GSK3B: variants seen among roughly 807,000 people sequenced by gnomAD.
GSK3B encodes glycogen synthase kinase-3 beta.
In GSK3B, 15 loss-of-function variants were observed where a neutral mutation model predicts 56.4. The observed-to-expected ratio is 0.27, with a 90% CI of 0.18 to 0.41. The LOEUF is 0.41. Among genes scored for constraint, GSK3B ranks in the 10% least tolerant of loss-of-function variants. The pLI, the probability that GSK3B is intolerant of heterozygous loss-of-function variation, is 1.00. For synonymous variants in GSK3B, 181 were observed against 188.9 expected, an observed-to-expected ratio of 0.96 and a Z score of 0.34; for missense variants, 300 against 513.4, an observed-to-expected ratio of 0.58 and a Z score of 4.02.
At chr3:120,026,548 C>A (rs1244685719) in intron 1 of GSK3B, among the ~76,000 whole-genome samples, 2 of 137,464 alleles carry the variant, frequency 1.5e-5, no homozygotes, top group South Asian at 4.5e-4. Context: ...CACACACACA[C>A]ACACAAACAC....
chr3:119,898,058 A>G (rs2056587453), intron 7 of GSK3B, among the ~76,000 whole-genome samples: 1 of 152,158 alleles, frequency 6.6e-6, no homozygotes, highest in Non-Finnish European at 1.5e-5. Flanking sequence ...AATGCAAACA[A>G]TATGTCCAAT....
intron 10 of GSK3B, among the ~76,000 whole-genome samples, chr3:119,829,573 G>A (rs1288258622): frequency 6.6e-6 from 1 of 152,202 alleles, no homozygotes; most frequent in Admixed American, 6.5e-5. Context: ...CATCTACATG[G>A]CCACCAGCCC....
intron 1 of GSK3B, among the ~76,000 whole-genome samples, chr3:120,011,866 ATTAAT>A (rs1476953086): frequency 6.6e-6 from 1 of 152,238 alleles, no homozygotes; most frequent in Admixed American, 6.5e-5. Flanking sequence ...CCTATAATAG[ATTAAT>A]TTATCATAAA....
At chr3:119,974,653 G>C (rs2057395232) in intron 2 of GSK3B, among the ~76,000 whole-genome samples, 1 of 152,030 alleles carries the variant, frequency 6.6e-6, no homozygotes, top group African/African-American at 2.4e-5. Context: ...TACTTCAATG[G>C]ACTAAGACAA....
At chr3:119,951,489 T>G (rs1361808482) in intron 2 of GSK3B, among the ~76,000 whole-genome samples, 1 of 152,166 alleles carries the variant, frequency 6.6e-6, no homozygotes, top group East Asian at 1.9e-4. Flanking sequence ...GAGAACTGCT[T>G]GAACCCAGGA....
chr3:120,056,864 TG>T (rs2058195569), intron 1 of GSK3B, among the ~76,000 whole-genome samples: 2 of 151,956 alleles, frequency 1.3e-5, no homozygotes, highest in African/African-American at 4.8e-5. Flanking sequence ...CTTCAGAAGC[TG>T]GGCACAGTGG....
At chr3:119,949,556 A>G (rs567358093) in intron 2 of GSK3B, among the ~76,000 whole-genome samples, 4 of 152,274 alleles carry the variant, frequency 2.6e-5, no homozygotes, top group South Asian at 2.1e-4. Context: ...TCAGAGAGGT[A>G]GGAGTTATGT....
chr3:119,910,052 T>C (rs1322005261), intron 6 of GSK3B, among the ~76,000 whole-genome samples: 1 of 152,202 alleles, frequency 6.6e-6, no homozygotes, highest in African/African-American at 2.4e-5. Context: ...ATCACTTTCA[T>C]TATTAACTTA....
intron 1 of GSK3B, among the ~76,000 whole-genome samples, chr3:120,025,842 G>A (rs918155487): frequency 2.0e-5 from 3 of 152,150 alleles, no homozygotes; most frequent in African/African-American, 4.8e-5. Context: ...GAAAAAACAG[G>A]CCAAACTTCT....
At chr3:119,965,790 G>C (rs1334328221) in intron 2 of GSK3B, among the ~76,000 whole-genome samples, 1 of 152,106 alleles carries the variant, frequency 6.6e-6, no homozygotes, top group Non-Finnish European at 1.5e-5. Context: ...CACACAGAGT[G>C]TCTGCCAAAA....
At chr3:120,015,194 CA>C (rs2057813208) in intron 1 of GSK3B, among the ~76,000 whole-genome samples, 1 of 152,174 alleles carries the variant, frequency 6.6e-6, no homozygotes, top group South Asian at 2.1e-4. Flanking sequence ...CAATAAATTA[CA>C]GTTTCTTTGA....
intron 1 of GSK3B, among the ~76,000 whole-genome samples, chr3:120,089,785 T>C (rs2058495846): frequency 6.6e-6 from 1 of 152,178 alleles, no homozygotes; most frequent in Admixed American, 6.5e-5. Context: ...TGGAGTAAAA[T>C]ATCATGTGAT....
intron 1 of GSK3B, among the ~76,000 whole-genome samples, chr3:120,086,801 C>CA (rs756764948): frequency 0.016 from 2,034 of 123,280 alleles, 36 homozygotes; most frequent in African/African-American, 0.052. Flanking sequence ...ACCCTGTCTC[C>CA]AAAAAAAAAA....
At chr3:119,937,037 T>A (rs1484014019) in intron 3 of GSK3B, among the ~76,000 whole-genome samples, 1 of 152,080 alleles carries the variant, frequency 6.6e-6, no homozygotes, top group Non-Finnish European at 1.5e-5. Context: ...ATATGAAATA[T>A]CTTTTCTGAC....
intron 2 of GSK3B, among the ~76,000 whole-genome samples, chr3:119,993,116 C>A: frequency 6.7e-6 from 1 of 148,420 alleles, no homozygotes; most frequent in African/African-American, 2.5e-5. Context: ...AAAAGAGTGT[C>A]TCCAATATGC....
chr3:119,911,731 T>C (rs1049145417), intron 6 of GSK3B, among the ~76,000 whole-genome samples: 2 of 152,226 alleles, frequency 1.3e-5, no homozygotes, highest in Admixed American at 6.5e-5. Context: ...TGCACTTTTA[T>C]GGCATGGTGC....
At chr3:119,954,953 C>G (rs1369053589) in intron 2 of GSK3B, among the ~76,000 whole-genome samples, 1 of 152,050 alleles carries the variant, frequency 6.6e-6, no homozygotes, top group Non-Finnish European at 1.5e-5. Context: ...TGATGGGCAG[C>G]ATGTGGTTAT....
intron 2 of GSK3B, among the ~76,000 whole-genome samples, chr3:119,980,310 A>G (rs943982471): frequency 3.3e-5 from 5 of 152,188 alleles, no homozygotes; most frequent in Admixed American, 6.5e-5. Context: ...TTTTGCATAG[A>G]GGCTGCAAAA....
At chr3:119,837,940 TCA>T (rs1197810033) in intron 10 of GSK3B, among the ~76,000 whole-genome samples, 2 of 51,196 alleles carry the variant, frequency 3.9e-5, no homozygotes, top group East Asian at 1.3e-3. Flanking sequence ...CGTTGACCAT[TCA>T]CATATATATA....
Sources: gnomAD v4.1 joint callset for allele counts (sites outside exome capture counted in the v4.1 genomes callset) on GRCh38, gnomAD v4.1.1 for gene constraint, MANE v1.5 for transcripts, NCBI Gene and HGNC (gene_info 2026-07-23, HGNC 2026-07-21) for gene names.